Variants in RPRD2 observed in about 807,000 individuals in gnomAD.
RPRD2 encodes regulation of nuclear pre-mRNA domain-containing protein 2.
In RPRD2, 12 loss-of-function variants were observed where a neutral mutation model predicts 104.4. The observed-to-expected ratio is 0.11, with a 90% CI of 0.07 to 0.19. The LOEUF is 0.19. RPRD2 is among the 10% of genes least tolerant of loss of function. RPRD2 has a pLI of 1.00. For missense variants in RPRD2, 1,543 were observed against 1,790.1 expected (o/e 0.86, Z 2.49); for synonymous variants, 714 against 684.9 (o/e 1.04, Z -0.66).
chr1:150,416,529 C>G (rs1664339872), intron 1 of RPRD2, among the ~76,000 whole-genome samples: 1 of 151,966 alleles, frequency 6.6e-6, no homozygotes, highest in South Asian at 2.1e-4. Context: ...TGACTTTGCT[C>G]AGGGTTCCAG....
At chr1:150,458,475 A>G (rs1022655026) in intron 8 of RPRD2, among the ~76,000 whole-genome samples, 4 of 151,878 alleles carry the variant, frequency 2.6e-5, no homozygotes, top group African/African-American at 4.8e-5. Context: ...AACCAGACAC[A>G]TTGGAGTCCA....
At chr1:150,384,640 T>TGTG (rs1661422676) in intron 1 of RPRD2, among the ~76,000 whole-genome samples, 1 of 6,282 alleles carries the variant, frequency 1.6e-4, no homozygotes, top group Non-Finnish European at 2.9e-4. Context: ...CTGGCTAATT[T>TGTG]GTGTGTGTGT....
At chr1:150,429,621 C>T (rs181971340) in intron 2 of RPRD2, among the ~76,000 whole-genome samples, 1 of 152,084 alleles carries the variant, frequency 6.6e-6, no homozygotes, top group Non-Finnish European at 1.5e-5. Context: ...TACCAAACTA[C>T]GAGGCCTTTC....
chr1:150,369,162 C>G (rs1553877742), intron 1 of RPRD2, among the ~76,000 whole-genome samples: 3 of 152,202 alleles, frequency 2.0e-5, no homozygotes, highest in Non-Finnish European at 4.4e-5. Context: ...TTCTGTTTAT[C>G]AGAAGGAAGC....
intron 2 of RPRD2, among the ~76,000 whole-genome samples, chr1:150,434,086 G>A (rs896327836): frequency 2.1e-4 from 32 of 152,284 alleles, no homozygotes; most frequent in African/African-American, 7.7e-4. Context: ...CAGGCATGGT[G>A]GCTCATGCCT....
Position 150,476,418 on chromosome 1 carries a change from G to C in RPRD2, c.*3084G>C, listed in dbSNP as rs770398284. 6.6e-6 allele frequency: 1 copy of C among 152,110 alleles called. No individual in the cohort carries two copies. The highest frequency in any genetic ancestry group is 1.5e-5 in the Non-Finnish European group (1 of 68,026). 9.4% of individuals were successfully genotyped at this position (152,110 alleles called of 1,614,324 possible). On this transcript the variant is annotated 3_prime_UTR_variant, in exon 11 of 11. Transcript: ENST00000369068. ...CTATTTTTTTTAAGTGGGCGGGGGC[G>C]CCTGTTAAGATCTAAAATAGATATG... is the stretch of plus-strand genomic sequence containing the variant.
rs1274106740 is a variant in RPRD2 at position 150,472,903 on chromosome 1, G to A, written c.3955G>A (p.Gly1319Arg). Residue 1319 changes from glycine to arginine, a missense_variant, in exon 11 of 11, where the codon GGG (glycine) becomes AGG (arginine). Gly to Arg is a moderately radical substitution (Grantham distance 125). Around this residue, in one of 4 missense-constraint regions of RPRD2, gnomAD observed 880 missense variants for 885.6 expected, o/e 0.99. Transcript: ENST00000369068. ...APPLAEHGVA[G>R]AVAVFPKDHS... ...ACCACTGGCAGAGCACGGAGTGGCAGGGGCTGTGGCAGTATTTCCCAAGGA... is the reference window on the plus strand; with the variant it reads ...ACCACTGGCAGAGCACGGAGTGGCAAGGGCTGTGGCAGTATTTCCCAAGGA... 1.2e-6 allele frequency: 2 copies of A among 1,613,224 alleles called. No individual in the cohort carries two copies. Among genetic ancestry groups the A allele is most frequent in the Non-Finnish European group, 1.7e-6 (2 of 1,179,570 alleles).
intron 7 of RPRD2, among the ~76,000 whole-genome samples, chr1:150,456,734 G>A (rs1553897648): frequency 6.6e-6 from 1 of 151,992 alleles, no homozygotes; most frequent in African/African-American, 2.4e-5. Context: ...AGACCAGCCT[G>A]GCCAACATGG....
At chr1:150,378,258 G>A (rs935918056) in intron 1 of RPRD2, among the ~76,000 whole-genome samples, 3 of 152,044 alleles carry the variant, frequency 2.0e-5, no homozygotes, top group Non-Finnish European at 4.4e-5. Context: ...AAATCTATTA[G>A]TGATGTATAT....
chr1:150,468,228 G>A (rs1668401937), intron 10 of RPRD2, among the ~76,000 whole-genome samples: 1 of 152,098 alleles, frequency 6.6e-6, no homozygotes, highest in African/African-American at 2.4e-5. Context: ...AGTGGCTCAT[G>A]CCTGTAATCC....
chr1:150,461,414 A>G (rs1261773052), intron 9 of RPRD2, among the ~76,000 whole-genome samples: 2 of 152,262 alleles, frequency 1.3e-5, no homozygotes, highest in Non-Finnish European at 2.9e-5. Context: ...CTAGCTATTT[A>G]AAAGTTAATT....
intron 1 of RPRD2, among the ~76,000 whole-genome samples, chr1:150,399,505 C>T (rs1449626949): frequency 6.6e-6 from 1 of 151,970 alleles, no homozygotes. Flanking sequence ...GCCTGTAATC[C>T]CAGCATTTTG....
Position 150,471,169 on chromosome 1 carries a change from A to G in RPRD2, c.2221A>G (p.Lys741Glu). The change falls in exon 11 of 11, where the codon AAG (lysine) becomes GAG (glutamate). Residue 741 changes from lysine (K) to glutamate (E), a missense_variant. Physicochemically the swap from Lys to Glu is moderately conservative, Grantham distance 56 (BLOSUM62 1). This residue lies in a region of RPRD2 where 572 missense variants were observed against 787.3 expected (regional missense o/e 0.73). Transcript: ENST00000369068. The surrounding 1 kb of genome is among the most constrained non-coding windows in gnomAD (Gnocchi z 5.3). Reference protein sequence around the residue: ...GTPTQDEMMDKPTSSSVDTMS... With the variant: ...GTPTQDEMMDEPTSSSVDTMS... Reference sequence around the variant, plus strand: ...ACCCACCCAGGATGAGATGATGGACAAGCCCACATCCAGCAGTGTAGATAC... The same window carrying G: ...ACCCACCCAGGATGAGATGATGGACGAGCCCACATCCAGCAGTGTAGATAC... 1.2e-6 allele frequency: 2 copies of G among 1,613,942 alleles called. No homozygotes were observed. Among genetic ancestry groups the G allele is most frequent in the Non-Finnish European group, 1.7e-6 (2 of 1,179,882 alleles).
At chr1:150,395,152 C>T (rs587593551) in intron 1 of RPRD2, among the ~76,000 whole-genome samples, 2 of 152,186 alleles carry the variant, frequency 1.3e-5, no homozygotes, top group South Asian at 2.1e-4. Context: ...TCCCTCACCC[C>T]CTTCCCACTC....
intron 2 of RPRD2, among the ~76,000 whole-genome samples, chr1:150,421,594 T>A (rs1230104656): frequency 6.6e-6 from 1 of 152,150 alleles, no homozygotes; most frequent in Non-Finnish European, 1.5e-5. Context: ...GAAGCAGGAA[T>A]AGAAGATTGT....
chr1:150,421,706 G>A (rs1245571561), intron 2 of RPRD2, among the ~76,000 whole-genome samples: 1 of 152,104 alleles, frequency 6.6e-6, no homozygotes, highest in African/African-American at 2.4e-5. Context: ...AGGTGTGATG[G>A]TTCTCACACC....
chr1:150,369,611 C>T (rs1289870684), intron 1 of RPRD2, among the ~76,000 whole-genome samples: 1 of 129,222 alleles, frequency 7.7e-6, no homozygotes, highest in South Asian at 2.4e-4. Context: ...CGCCCGTCAC[C>T]GCGCCCAGCT....
rs1312341872 is a variant in RPRD2, at chr1:150,473,913, G to T, written c.*579G>T. The T allele has an allele frequency of 6.6e-6, 1 of 152,100 alleles. No individual in the cohort carries two copies. The highest frequency in any genetic ancestry group is 1.5e-5 in the Non-Finnish European group (1 of 68,018). The allele number at this position is 152,100 out of a possible 1,614,324, so 9.4% of individuals were successfully genotyped here. A position where few individuals can be genotyped will look rare whatever the true frequency, so the allele number is the denominator to read the frequency against. On this transcript the variant is annotated 3_prime_UTR_variant, in exon 11 of 11. Transcript: ENST00000369068. ...GACCTTGAACCTGTCAGGTTTATTT[G>T]TTTTGTTTTTAAAGGCATGTTGAAG...
At chr1:150,464,387 T>TTTATTG in intron 9 of RPRD2, 140 bp from the exon 10 acceptor site, 1 of 565,160 alleles carries the variant, frequency 1.8e-6, no homozygotes, top group South Asian at 2.4e-5. Flanking sequence ...TTTGTACATG[T>TTTATTG]CATGTTATGA....
Sources: allele counts gnomAD v4.1 joint callset (sites outside exome capture counted in the v4.1 genomes callset), GRCh38; gene constraint gnomAD v4.1.1; regional missense constraint gnomAD v4.1.1; non-coding constraint Gnocchi (gnomAD v3.1); transcripts MANE v1.5; gene names NCBI Gene and HGNC (gene_info 2026-07-23, HGNC 2026-07-21).